The following GRM5 variants were observed in gnomAD, a reference collection of about 807,000 sequenced individuals.
GRM5 encodes glutamate metabotropic receptor 5, also known as metabotropic glutamate receptor 5.
A neutral mutation model predicts 83.1 loss-of-function variants in GRM5; 19 were observed. That is an observed-to-expected ratio of 0.23 (90% CI 0.16 to 0.34). GRM5 has a LOEUF of 0.34. Ranked by LOEUF, GRM5 falls within the 10% of genes least tolerant of loss-of-function variation. The probability of loss-of-function intolerance (pLI) is 1.00; values close to 1 mark genes in which losing one functional copy is unlikely to be tolerated. For missense variants in GRM5, 1,160 were observed against 1,588.3 expected (o/e 0.73, Z 4.58); for synonymous variants, 675 against 633.6 (o/e 1.07, Z -0.98).
chr11:88,852,749 T>A (rs1166584706), intron 2 of GRM5, among the ~76,000 whole-genome samples: 1 of 152,080 alleles, frequency 6.6e-6, no homozygotes, highest in South Asian at 2.1e-4. Context: ...TTACAGAATA[T>A]AATTTTGATT....
At chr11:88,740,798 G>C (rs1942012284) in intron 3 of GRM5, among the ~76,000 whole-genome samples, 1 of 152,106 alleles carries the variant, frequency 6.6e-6, no homozygotes, top group Non-Finnish European at 1.5e-5. Flanking sequence ...CATGGGACCA[G>C]GAGATGGTGA....
intron 9 of GRM5, among the ~76,000 whole-genome samples, chr11:88,518,518 A>G (rs1941586776): frequency 6.6e-6 from 1 of 152,074 alleles, no homozygotes; most frequent in South Asian, 2.1e-4. Context: ...AGGGTCAAAT[A>G]AATGGTTTCA....
intron 3 of GRM5, among the ~76,000 whole-genome samples, chr11:88,848,769 C>T (rs1944340672): frequency 6.6e-6 from 1 of 152,144 alleles, no homozygotes; most frequent in Non-Finnish European, 1.5e-5. Context: ...TTTTAACAGA[C>T]ATTAATCTGC....
intron 3 of GRM5, among the ~76,000 whole-genome samples, chr11:88,669,744 A>G (rs574077260): frequency 5.8e-4 from 89 of 152,158 alleles, no homozygotes; most frequent in African/African-American, 2.1e-3. Flanking sequence ...AATATGTGCA[A>G]GATCTATTCA....
At chr11:88,761,369 C>T (rs1309960315) in intron 3 of GRM5, among the ~76,000 whole-genome samples, 1 of 152,012 alleles carries the variant, frequency 6.6e-6, no homozygotes, top group African/African-American at 2.4e-5. Context: ...GCTACAAAAC[C>T]AACATTAAAA....
chr11:88,966,255 T>C (rs1938958139), intron 2 of GRM5, among the ~76,000 whole-genome samples: 1 of 152,120 alleles, frequency 6.6e-6, no homozygotes, highest in South Asian at 2.1e-4. Context: ...GAGAATGCTA[T>C]AGCATTAAAT....
Position 88,677,512 on chromosome 11 carries a change from A to G in GRM5, c.912-24109T>C, listed in dbSNP as rs375304232. Among the ~76,000 whole-genome samples, 8 of 152,144 alleles carry G rather than the reference A, an allele frequency of 5.3e-5. No individual in the cohort carries two copies. The South Asian group carries it at 1.7e-3, about 31-fold the overall frequency. On this transcript the variant is annotated intron_variant, in intron 3 of 9. Transcript: ENST00000305447. ...TGTAAGGCTGGTGATTGCTACAGTG[A>G]TTCTTCTACAAGAGAAATTAGCCCA...
chr11:88,705,457 T>A (rs1049762375), intron 3 of GRM5, among the ~76,000 whole-genome samples: 6 of 152,106 alleles, frequency 3.9e-5, no homozygotes, highest in African/African-American at 7.2e-5. Context: ...GAAGTATCAC[T>A]GTTTTGAAGG....
At chr11:88,980,334 TAA>T (rs1248790915) in intron 2 of GRM5, among the ~76,000 whole-genome samples, 2 of 152,214 alleles carry the variant, frequency 1.3e-5, no homozygotes, top group Non-Finnish European at 2.9e-5. Flanking sequence ...TTAATGAAAT[TAA>T]GAGAGTCCTA....
At chr11:88,596,835 A>T (rs949862460) in intron 6 of GRM5, among the ~76,000 whole-genome samples, 3 of 152,020 alleles carry the variant, frequency 2.0e-5, no homozygotes, top group African/African-American at 7.2e-5. Flanking sequence ...TTGCCTAATC[A>T]ATATTAACTA....
chr11:88,869,465 G>T (rs1210181702), intron 2 of GRM5, among the ~76,000 whole-genome samples: 1 of 151,590 alleles, frequency 6.6e-6, no homozygotes, highest in African/African-American at 2.4e-5. Context: ...CCTGGAAATA[G>T]ATCCCTGTTT....
chr11:88,562,451 G>A (rs1942779252), intron 8 of GRM5, among the ~76,000 whole-genome samples: 1 of 152,048 alleles, frequency 6.6e-6, no homozygotes, highest in Admixed American at 6.6e-5. Context: ...AAAAATGGGA[G>A]GATTGTTGCT....
intron 3 of GRM5, among the ~76,000 whole-genome samples, chr11:88,698,300 A>C (rs1300152587): frequency 6.6e-6 from 1 of 152,130 alleles, no homozygotes; most frequent in African/African-American, 2.4e-5. Flanking sequence ...AGCTAGAATA[A>C]CCTTCTTTTT....
intron 3 of GRM5, among the ~76,000 whole-genome samples, chr11:88,659,206 A>C (rs931214913): frequency 6.6e-6 from 1 of 152,188 alleles, no homozygotes; most frequent in African/African-American, 2.4e-5. Flanking sequence ...ACAACATTGC[A>C]TGTAGCTCCA....
intron 2 of GRM5, among the ~76,000 whole-genome samples, chr11:89,000,039 G>A (rs1940319131): frequency 6.6e-6 from 1 of 152,074 alleles, no homozygotes; most frequent in Non-Finnish European, 1.5e-5. Flanking sequence ...ATTGAACAAT[G>A]AGAACACATG....
intron 3 of GRM5, among the ~76,000 whole-genome samples, chr11:88,814,627 G>A (rs931409116): frequency 2.0e-5 from 3 of 152,072 alleles, no homozygotes; most frequent in Admixed American, 1.3e-4. Flanking sequence ...AATAGTAGCA[G>A]TAAAGAACAA....
At chr11:88,582,279 T>A (rs111364396) in intron 7 of GRM5, among the ~76,000 whole-genome samples, 141 of 152,376 alleles carry the variant, frequency 9.3e-4, no homozygotes, top group African/African-American at 3.2e-3. Flanking sequence ...TATGTGCTAA[T>A]GAATAATTTC....
At chr11:88,613,984 C>T (rs1938399274) in intron 4 of GRM5, among the ~76,000 whole-genome samples, 1 of 152,156 alleles carries the variant, frequency 6.6e-6, no homozygotes. Context: ...AGGTTACTCA[C>T]ACGATCCAGA....
intron 1 of GRM5, among the ~76,000 whole-genome samples, chr11:89,061,042 C>T (rs1379921661): frequency 6.6e-6 from 1 of 152,012 alleles, no homozygotes; most frequent in Non-Finnish European, 1.5e-5. Flanking sequence ...TTCAATATAT[C>T]CAACCTCTAA....
Sources: gnomAD v4.1 joint callset for allele counts (sites outside exome capture counted in the v4.1 genomes callset) on GRCh38, gnomAD v4.1.1 for gene constraint, MANE v1.5 for transcripts, NCBI Gene and HGNC (gene_info 2026-07-23, HGNC 2026-07-21) for gene names.